Variants in MAP2K5 observed in about 807,000 individuals in gnomAD.
MAP2K5 encodes dual specificity mitogen-activated protein kinase kinase 5.
A neutral mutation model predicts 83.1 loss-of-function variants in MAP2K5; 49 were observed. The observed-to-expected ratio is 0.59, with a 90% CI of 0.47 to 0.75. The LOEUF is 0.75. MAP2K5 is among the 30% of genes least tolerant of loss of function. The pLI, the probability that MAP2K5 is intolerant of heterozygous loss-of-function variation, is 0.00. For synonymous variants in MAP2K5, 202 were observed against 191.8 expected, an observed-to-expected ratio of 1.05 and a Z score of -0.44; for missense variants, 457 against 557.5, an observed-to-expected ratio of 0.82 and a Z score of 1.82.
chr15:67,568,355 T>C (rs2084884240), intron 3 of MAP2K5, among the ~76,000 whole-genome samples: 3 of 152,234 alleles, frequency 2.0e-5, no homozygotes, highest in African/African-American at 4.8e-5. Context: ...TGGGATATGA[T>C]TGGCTTTATC....
rs1214117157 is a variant in MAP2K5 at position 67,783,566 on chromosome 15, C to T, written c.1242+10814C>T. 6.6e-6 allele frequency among the ~76,000 whole-genome samples: 1 copy of T among 152,206 alleles called. No homozygotes were observed. ...TCACCCTTCACCCTGGCTAATACTTCTGTTAGTGCACTCGTCACGCTTTGT... is the reference window on the plus strand; with the variant it reads ...TCACCCTTCACCCTGGCTAATACTTTTGTTAGTGCACTCGTCACGCTTTGT... On this transcript the variant is annotated intron_variant, in intron 21 of 21. Transcript: ENST00000178640. This position sits in a 1 kb window ranked among gnomAD's most constrained non-coding sequence, Gnocchi z 5.1.
At chr15:67,664,753 T>G (rs2087331775) in intron 13 of MAP2K5, 108 bp downstream of exon 13, 6 of 649,018 alleles carry the variant, frequency 9.2e-6, no homozygotes, top group Admixed American at 2.8e-5. Flanking sequence ...AGCTGATACA[T>G]CTGGTACTCA....
chr15:67,713,413 A>T (rs2141229012), intron 16 of MAP2K5, among the ~76,000 whole-genome samples: 1 of 152,324 alleles, frequency 6.6e-6, no homozygotes, highest in East Asian at 1.9e-4. Flanking sequence ...AACCATGTAG[A>T]GCTGTGTAAA....
intron 3 of MAP2K5, among the ~76,000 whole-genome samples, chr15:67,570,533 A>G (rs2084929300): frequency 1.3e-5 from 2 of 152,258 alleles, no homozygotes; most frequent in African/African-American, 4.8e-5. Context: ...TGATATTCAA[A>G]ATAGATTGGC....
rs1307415676 is a variant in MAP2K5, at chr15:67,592,835, G to A, written c.432-91G>A. On this transcript the variant is annotated intron_variant, in intron 6 of 21. Transcript: ENST00000178640. ...TGAAGAATATGCTCAATCCCTATAT[G>A]TAAAAGCAAAGGTGTATTTCAGTCT... The A allele has an allele frequency of 2.9e-5, 26 of 888,880 alleles. No individual in the cohort carries two copies. In the Admixed American group the frequency reaches 4.4e-4, roughly 15 times the overall value. 55.1% of individuals were successfully genotyped at this position (888,880 alleles called of 1,614,324 possible).
At chr15:67,647,056 A>G (rs2086847079) in intron 11 of MAP2K5, among the ~76,000 whole-genome samples, 1 of 152,188 alleles carries the variant, frequency 6.6e-6, no homozygotes, top group Admixed American at 6.5e-5. Flanking sequence ...CAGTGAAATG[A>G]TGTCATCATT....
At chr15:67,680,676 C>G (rs1026644927) in intron 13 of MAP2K5, among the ~76,000 whole-genome samples, 1 of 152,178 alleles carries the variant, frequency 6.6e-6, no homozygotes, top group Non-Finnish European at 1.5e-5. Flanking sequence ...CTAAGCATTT[C>G]AAGTTATTGG....
chr15:67,591,340 G>A (rs1264424976), intron 6 of MAP2K5, among the ~76,000 whole-genome samples: 3 of 149,314 alleles, frequency 2.0e-5, no homozygotes, highest in African/African-American at 7.4e-5. Flanking sequence ...GCGAGACTCT[G>A]TCTCAAAAAA....
rs561505244 is a variant in MAP2K5 at position 67,628,711 on chromosome 15, G to A, written c.546-2177G>A. ...ACAACGGTGAAGTTAGGAAAGCCCT[G>A]TTAAAGCAAGAGATGGCTAATGCTT... On this transcript the variant is annotated intron_variant, in intron 8 of 21. Coordinates refer to ENST00000178640, the MANE Select transcript of MAP2K5 (RefSeq NM_145160.3). The A allele has an allele frequency of 6.0e-5, 49 of 820,650 alleles. No homozygotes were observed. In the African/African-American group the frequency reaches 7.8e-4, roughly 13 times the overall value. The allele number at this position is 820,650 out of a possible 1,614,324, so 50.8% of individuals were successfully genotyped here.
At chr15:67,759,568 AAAAG>A (rs1428643153) in intron 19 of MAP2K5, among the ~76,000 whole-genome samples, 2 of 151,410 alleles carry the variant, frequency 1.3e-5, no homozygotes, top group East Asian at 1.9e-4. Flanking sequence ...TCAAAAAAAA[AAAAG>A]AAAAGAAAAG....
rs1003739648 is a variant in MAP2K5, at chr15:67,747,640, T to A, written c.1075-591T>A. ...AAATCAGTGTGAAACTTCCATGAAT[T>A]TGATTTTCCCAGAGAGCATTGCTGC... On this transcript the variant is annotated intron_variant, in intron 17 of 21. Transcript: ENST00000178640. This position sits in a 1 kb window ranked among gnomAD's most constrained non-coding sequence, Gnocchi z 4.1. Among the ~76,000 whole-genome samples the A allele has an allele frequency of 1.3e-5, 2 of 152,180 alleles. No homozygotes were observed. The highest frequency in any genetic ancestry group is 2.9e-5 in the Non-Finnish European group (2 of 68,024).
At chr15:67,754,490 A>G (rs8030476) in intron 19 of MAP2K5, among the ~76,000 whole-genome samples, 133,540 of 152,196 alleles carry the variant, frequency 0.88, 58,716 homozygotes, top group Middle Eastern at 0.91. Context: ...CCAGGTGCCG[A>G]GATAAATCCC....
At chr15:67,685,568 ATTAT>A (rs1309093969) in intron 13 of MAP2K5, among the ~76,000 whole-genome samples, 1 of 152,228 alleles carries the variant, frequency 6.6e-6, no homozygotes, top group African/African-American at 2.4e-5. Flanking sequence ...TTAAAATATA[ATTAT>A]TTAAAGGAAA....
chr15:67,659,737 C>A (rs914288496), intron 12 of MAP2K5, among the ~76,000 whole-genome samples: 2 of 151,952 alleles, frequency 1.3e-5, no homozygotes, highest in East Asian at 3.9e-4. Flanking sequence ...GCAAGGATAC[C>A]AATTGAAAAA....
At chr15:67,709,674 T>C (rs2088642167) in intron 16 of MAP2K5, among the ~76,000 whole-genome samples, 1 of 152,242 alleles carries the variant, frequency 6.6e-6, no homozygotes, top group African/African-American at 2.4e-5. Context: ...CTCTCATTTT[T>C]TACTAAGTAA....
chr15:67,742,949 G>T (rs899314101), intron 17 of MAP2K5, among the ~76,000 whole-genome samples: 3 of 152,008 alleles, frequency 2.0e-5, no homozygotes, highest in African/African-American at 7.3e-5. Context: ...ATAATGTTTT[G>T]CTGTACCTCA....
At chr15:67,701,717 A>G (rs922657575) in intron 15 of MAP2K5, among the ~76,000 whole-genome samples, 1 of 152,104 alleles carries the variant, frequency 6.6e-6, no homozygotes, top group Non-Finnish European at 1.5e-5. Context: ...CTCTAGCCCC[A>G]CCCCTAGAGA....
At chr15:67,651,297 C>A (rs1596724343) in intron 11 of MAP2K5, among the ~76,000 whole-genome samples, 1 of 152,300 alleles carries the variant, frequency 6.6e-6, no homozygotes, top group East Asian at 1.9e-4. Context: ...TATTTTGACA[C>A]AAGCATACAA....
chr15:67,748,124 C>A lies in MAP2K5; in HGVS notation c.1075-107C>A. ...ATTATGTAAATTGTGTTAACACATG[C>A]CCACAAATTGCCACCAGCAATGCAA... On this transcript the variant is annotated intron_variant, in intron 17 of 21. Coordinates refer to ENST00000178640, the MANE Select transcript of MAP2K5 (RefSeq NM_145160.3). The surrounding 1 kb of genome is among the most constrained non-coding windows in gnomAD (Gnocchi z 4.0). The A allele has an allele frequency of 2.7e-6, 2 of 750,086 alleles. No homozygotes were observed. Among genetic ancestry groups the A allele is most frequent in the African/African-American group, 1.7e-5 (1 of 57,698 alleles). The allele number at this position is 750,086 out of a possible 1,614,324, so 46.5% of individuals were successfully genotyped here. A position where few individuals can be genotyped will look rare whatever the true frequency, so the allele number is the denominator to read the frequency against.
Sources: gnomAD v4.1 joint callset for allele counts (sites outside exome capture counted in the v4.1 genomes callset) on GRCh38, gnomAD v4.1.1 for gene constraint, Gnocchi (gnomAD v3.1) non-coding constraint, MANE v1.5 for transcripts, NCBI Gene and HGNC (gene_info 2026-07-23, HGNC 2026-07-21) for gene names.